Variants in GPN2 observed in about 807,000 individuals in gnomAD.
The protein encoded by GPN2 is ATP-binding domain 1 family member B.
In GPN2, 27 loss-of-function variants were observed where a neutral mutation model predicts 30.1. That is an observed-to-expected ratio of 0.90 (90% CI 0.66 to 1.24). GPN2 has a LOEUF of 1.24. Among genes scored for constraint, GPN2 ranks in the 50% most tolerant of loss-of-function variants. The pLI is 0.00. For missense variants in GPN2, 406 were observed against 405.4 expected (o/e 1.00, Z -0.01); for synonymous variants, 212 against 174.4 (o/e 1.22, Z -1.70).
At chr1:26,887,202 G>A (rs2081895598) in intron 2 of GPN2, among the ~76,000 whole-genome samples, 1 of 152,106 alleles carries the variant, frequency 6.6e-6, no homozygotes, top group South Asian at 2.1e-4. Context: ...TTCCTTTTCT[G>A]AGCCAGTTAT....
At chr1:26,887,345 G>A (rs1374463552) in intron 2 of GPN2, among the ~76,000 whole-genome samples, 1 of 152,066 alleles carries the variant, frequency 6.6e-6, no homozygotes, top group Non-Finnish European at 1.5e-5. Context: ...AAGTATCTGG[G>A]CTCCCTGGCA....
In GPN2 at chr1:26,876,741, G is replaced by C. The variant is rs2081839497; in HGVS notation, c.*2936C>G. 2 of 152,046 alleles carry C rather than the reference G, an allele frequency of 1.3e-5. No homozygotes were observed. Among genetic ancestry groups the C allele is most frequent in the Admixed American group, 6.6e-5 (1 of 15,248 alleles). 9.4% of individuals were successfully genotyped at this position (152,046 alleles called of 1,614,324 possible). The stretch of plus-strand genomic sequence containing the variant: ...AGAACAGAAAATCATTTTGCTGCCA[G>C]TGGAAGGTAGACAGAAGCTACGTTT... On this transcript the variant is annotated 3_prime_UTR_variant, in exon 5 of 5. Coordinates refer to ENST00000374135, the MANE Select transcript of GPN2 (RefSeq NM_018066.4).
intron 4 of GPN2, 48 bp from the exon 5 acceptor site, chr1:26,879,797 G>C (rs921540355): frequency 7.6e-7 from 1 of 1,323,284 alleles, no homozygotes; most frequent in South Asian, 1.2e-5. Flanking sequence ...AGGATGGGGA[G>C]CTGGTCTGGG....
At chr1:26,884,110 A>C (rs887841527) in intron 4 of GPN2, 50 bp downstream of exon 4, 1 of 1,516,062 alleles carries the variant, frequency 6.6e-7, no homozygotes, top group Non-Finnish European at 9.0e-7. Flanking sequence ...GCCATTCTTG[A>C]GTCCCATGTC....
chr1:26,884,328 C>T (rs1333673989), intron 3 of GPN2, 38 bp from the exon 4 acceptor site: 3 of 1,584,306 alleles, frequency 1.9e-6, no homozygotes, highest in Admixed American at 1.9e-5. Context: ...GTGAGTGAAA[C>T]AGAAGTATGT....
At chr1:26,883,694 G>C (rs1383510366) in intron 4 of GPN2, among the ~76,000 whole-genome samples, 1 of 151,768 alleles carries the variant, frequency 6.6e-6, no homozygotes, top group Non-Finnish European at 1.5e-5. Context: ...TGAGGCAGGA[G>C]AATTGCTTGA....
In GPN2 at chr1:26,889,117, G is replaced by A. The variant is rs372446966; in HGVS notation, c.420C>T (p.Ala140=). The A allele has an allele frequency of 1.5e-5, 24 of 1,613,178 alleles. No individual in the cohort carries two copies. The highest frequency in any genetic ancestry group is 5.3e-5 in the African/African-American group (4 of 74,922). ...AGTAGTGAGAATCCACGAGGTGGAC[G>A]GCAGTCAGCTGGGAGGGAATAGACA... ...QMAQWDLRLT[A]VHLVDSHYCT... Residue 140 remains alanine, a synonymous_variant, in exon 2 of 5, where the codon GCC becomes GCT. Coordinates refer to ENST00000374135, the MANE Select transcript of GPN2 (RefSeq NM_018066.4).
rs1298511913 is a variant in GPN2 at position 26,886,108 on chromosome 1, C to T, written c.594G>A (p.Glu198=). 46 of 1,613,764 alleles carry T rather than the reference C, an allele frequency of 2.9e-5. No individual in the cohort carries two copies. The highest frequency in any genetic ancestry group is 3.7e-5 in the Non-Finnish European group (44 of 1,179,788). Residue 198 remains glutamate, a synonymous_variant, in exon 3 of 5, where the codon GAG becomes GAA. Coordinates refer to ENST00000374135, the MANE Select transcript of GPN2 (RefSeq NM_018066.4). ...KLAFNLDYYT[E]VLDLSYLLDH... The stretch of plus-strand genomic sequence containing the variant: ...CAAGCAGGTAGGAGAGGTCCAGAAC[C>T]TCTGTGTAGTAGTCCAGGTTGAAGG...
Position 26,889,004 on chromosome 1 carries a change from G to T in GPN2, c.533C>A (p.Ser178Tyr). 12 of 1,614,236 alleles carry T rather than the reference G, an allele frequency of 7.4e-6. No individual in the cohort carries two copies. Among genetic ancestry groups the T allele is most frequent in the Non-Finnish European group, 1.0e-5 (12 of 1,180,022 alleles). The change falls in exon 2 of 5, where the codon TCC (serine) becomes TAC (tyrosine). Residue 178 changes from serine to tyrosine, a missense_variant. Coordinates refer to ENST00000374135, the MANE Select transcript of GPN2 (RefSeq NM_018066.4). ...ATAATGCTCAATGAGGTCCATCTTG[G>T]AAAGGAGGTTGATGTGGGGCAGTTC... Reference protein sequence around the residue: ...HVELPHINLLSKMDLIEHYGK... With the variant: ...HVELPHINLLYKMDLIEHYGK...
rs1201007718 is a variant in GPN2, at chr1:26,876,194, T to C, written c.*3483A>G. 2 of 151,820 alleles carry C rather than the reference T, an allele frequency of 1.3e-5. No individual in the cohort carries two copies. The highest frequency in any genetic ancestry group is 2.9e-5 in the Non-Finnish European group (2 of 67,968). The allele number at this position is 151,820 out of a possible 1,614,324, so 9.4% of individuals were successfully genotyped here. A position where few individuals can be genotyped will look rare whatever the true frequency, so the allele number is the denominator to read the frequency against. On this transcript the variant is annotated 3_prime_UTR_variant, in exon 5 of 5. Coordinates refer to ENST00000374135, the MANE Select transcript of GPN2 (RefSeq NM_018066.4). ...ATGACCCCATAGAAAGTTTCCGTTA[T>C]GGGATTCTGGGTGACTCATTTTCGT...
At chr1:26,885,578 C>CTTT (rs35274818) in intron 3 of GPN2, among the ~76,000 whole-genome samples, 6 of 131,894 alleles carry the variant, frequency 4.5e-5, no homozygotes, top group South Asian at 2.5e-4. Context: ...AAAGACCACT[C>CTTT]TTTTTTTTTT....
rs369490607 is a variant in GPN2, at chr1:26,889,859, C to A, written c.238G>T (p.Gly80Cys). 6 of 1,612,580 alleles carry A rather than the reference C, an allele frequency of 3.7e-6. No individual in the cohort carries two copies. Among genetic ancestry groups the A allele is most frequent in the Admixed American group, 1.7e-5 (1 of 59,944 alleles). The stretch of plus-strand genomic sequence containing the variant: ...AGGTACTCCATGCAGTAGAGCAGGC[C>A]GCCGTTGGGCCCCAGGCGCAGCGCG... ...MDALRLGPNGGLLYCMEYLEA... is the reference protein window; with the variant it reads ...MDALRLGPNGCLLYCMEYLEA... Residue 80 changes from glycine to cysteine, a missense_variant, in exon 1 of 5, where the codon GGC becomes TGC. Transcript: ENST00000374135.
chr1:26,890,180 T>C lies in GPN2; in HGVS notation c.-84A>G. 4 of 1,199,372 alleles carry C rather than the reference T, an allele frequency of 3.3e-6. No homozygotes were observed. Among genetic ancestry groups the C allele is most frequent in the South Asian group, 1.6e-5 (1 of 63,176 alleles). 74.3% of individuals were successfully genotyped at this position (1,199,372 alleles called of 1,614,324 possible). A position where few individuals can be genotyped will look rare whatever the true frequency, so the allele number is the denominator to read the frequency against. On this transcript the variant is annotated 5_prime_UTR_variant, in exon 1 of 5. Transcript: ENST00000374135. ...CCGGAGACGAGACTGAGGGCGAGGG[T>C]CCCAGTACGTATACCTCGTTGGCGG...
At chr1:26,889,368 C>T (rs1273473515) in intron 1 of GPN2, among the ~76,000 whole-genome samples, 1 of 152,150 alleles carries the variant, frequency 6.6e-6, no homozygotes, top group East Asian at 1.9e-4. Context: ...CATCTGACTC[C>T]ACTCTTTCAT....
chr1:26,890,001 G>A lies in GPN2; in HGVS notation c.96C>T (p.Phe32=), dbSNP rs922334739. 6 of 1,600,768 alleles carry A rather than the reference G, an allele frequency of 3.7e-6. No homozygotes were observed. Among genetic ancestry groups the A allele is most frequent in the East Asian group, 4.5e-5 (2 of 44,852 alleles). The change falls in exon 1 of 5, where the codon TTC becomes TTT. Residue 32 remains phenylalanine, a synonymous_variant. Coordinates refer to ENST00000374135, the MANE Select transcript of GPN2 (RefSeq NM_018066.4). ...CCACGCGCCGGCCCAGCGCGCGCAG[G>A]AACTCACTCATGCCCAGGCAGTACG... ...KTTYCLGMSE[F]LRALGRRVAV...
rs1361802120 is a variant in GPN2, at chr1:26,890,071, G to A, written c.26C>T (p.Ala9Val). 2 of 1,561,328 alleles carry A rather than the reference G, an allele frequency of 1.3e-6. No homozygotes were observed. The highest frequency in any genetic ancestry group is 4.5e-5 in the East Asian group (2 of 43,986). The change falls in exon 1 of 5, where the codon GCC (alanine) becomes GTC (valine). Residue 9 changes from alanine to valine, a missense_variant. By Grantham distance (64) the Ala-to-Val change is moderately conservative. Transcript: ENST00000374135. ...CGGGCCGATCACCGCCTGCCCGAAG[G>A]CCGTGGTCGGAGCGGCCCCTGCCAT... MAGAAPTT[A>V]FGQAVIGPPG...
At chr1:26,886,358 A>T (rs902996539) in intron 2 of GPN2, 11 of 592,798 alleles carry the variant, frequency 1.9e-5, no homozygotes, top group South Asian at 1.7e-4. Flanking sequence ...TGAAGATTAA[A>T]TGCTATAAAC....
intron 2 of GPN2, 78 bp from the exon 3 acceptor site, chr1:26,886,211 T>C (rs2081890283): frequency 1.0e-6 from 1 of 961,338 alleles, no homozygotes; most frequent in South Asian, 1.5e-5. Flanking sequence ...TTTCCTTTTT[T>C]CCTTTGTGCA....
In GPN2 at chr1:26,890,006, C is replaced by T; in HGVS notation, c.91G>A (p.Glu31Lys). 6.2e-7 allele frequency: 1 copy of T among 1,600,102 alleles called. No homozygotes were observed. The highest frequency in any genetic ancestry group is 8.5e-7 in the Non-Finnish European group (1 of 1,179,216). The change falls in exon 1 of 5, where the codon GAG (glutamate) becomes AAG (lysine). Residue 31 changes from glutamate to lysine, a missense_variant. Coordinates refer to ENST00000374135, the MANE Select transcript of GPN2 (RefSeq NM_018066.4). Reference sequence around the variant, plus strand: ...CGCCGGCCCAGCGCGCGCAGGAACTCACTCATGCCCAGGCAGTACGTGGTC... The same window carrying T: ...CGCCGGCCCAGCGCGCGCAGGAACTTACTCATGCCCAGGCAGTACGTGGTC... ...GKTTYCLGMS[E>K]FLRALGRRVA... is the part of the protein sequence containing the mutation.
Sources: allele counts gnomAD v4.1 joint callset (sites outside exome capture counted in the v4.1 genomes callset), GRCh38; gene constraint gnomAD v4.1.1; transcripts MANE v1.5; gene names NCBI Gene and HGNC (gene_info 2026-07-23, HGNC 2026-07-21).